XPC: variants seen among roughly 807,000 people sequenced by gnomAD.
XPC encodes the protein DNA repair protein complementing XP-C cells.
Under a neutral mutation model 95.8 loss-of-function variants are expected in XPC, and 76 were observed. The ratio of observed to expected loss-of-function variants is 0.79; its 90% CI spans 0.66 to 0.96. The LOEUF (loss-of-function observed/expected upper bound fraction) is 0.96, where lower values mean the gene tolerates loss of function less well. XPC is among the 40% of genes least tolerant of loss of function. The probability of loss-of-function intolerance (pLI) is 0.00; values close to 1 mark genes in which losing one functional copy is unlikely to be tolerated. For synonymous variants in XPC, 442 were observed against 442.1 expected (o/e 1.00, Z 0.00); for missense variants, 1,146 against 1,179.8 (o/e 0.97, Z 0.42).
In XPC at chr3:14,148,016, C is replaced by T. The variant is rs376501116; in HGVS notation, c.2421-15G>A. The T allele has an allele frequency of 2.6e-6, 4 of 1,559,966 alleles. No individual in the cohort carries two copies. The highest frequency in any genetic ancestry group is 2.7e-5 in the African/African-American group (2 of 74,016). On this transcript the variant is annotated splice_polypyrimidine_tract_variant and intron_variant, in intron 13 of 15. Coordinates refer to ENST00000285021, the MANE Select transcript of XPC (RefSeq NM_004628.5). ...ATCCATCAGTCCTGTGGGGACACAA[C>T]GCGATGTCAACCCTCGAACCTGCTG...
intron 7 of XPC, among the ~76,000 whole-genome samples, chr3:14,162,157 A>C (rs1696191581): frequency 6.6e-6 from 1 of 152,228 alleles, no homozygotes; most frequent in Non-Finnish European, 1.5e-5. Context: ...CAAAAATAAA[A>C]GGAGAGACAT....
chr3:14,148,565 G>A lies in XPC; in HGVS notation c.2417C>T (p.Pro806Leu), dbSNP rs1695543495. The A allele has an allele frequency of 1.9e-6, 3 of 1,613,796 alleles. No homozygotes were observed. The highest frequency in any genetic ancestry group is 2.5e-6 in the Non-Finnish European group (3 of 1,179,814). Residue 806 changes from proline (P) to leucine (L), a missense_variant, in exon 13 of 16, where the codon CCC becomes CTC. Transcript: ENST00000285021. ...CCATCGAAGGCCCCTCACGCACACGGGATGGGAGTAGCCGCCATGGAAATC... is the reference window on the plus strand; with the variant it reads ...CCATCGAAGGCCCCTCACGCACACGAGATGGGAGTAGCCGCCATGGAAATC... The part of the protein sequence containing the change: ...GFDFHGGYSH[P>L]VTDGYIVCEE...
chr3:14,178,072 C>A (rs1696905442), intron 1 of XPC, among the ~76,000 whole-genome samples: 2 of 152,258 alleles, frequency 1.3e-5, no homozygotes, highest in African/African-American at 4.8e-5. Flanking sequence ...CACTGTGGAA[C>A]TCTGGGTGAG....
intron 9 of XPC, among the ~76,000 whole-genome samples, chr3:14,157,006 C>A (rs1695941944): frequency 6.6e-6 from 1 of 152,200 alleles, no homozygotes; most frequent in South Asian, 2.1e-4. Context: ...TGCTGTAAGT[C>A]ACCCTGTTCA....
rs3731130 is a variant in XPC, at chr3:14,158,344, C to G, written c.1539G>C (p.Met513Ile). The G allele has an allele frequency of 3.6e-4, 586 of 1,613,980 alleles. 8 individuals carry two copies. The East Asian group carries it at 9.4e-3, about 26-fold the overall frequency. Residue 513 changes from methionine to isoleucine, a missense_variant, in exon 9 of 16, where the codon ATG becomes ATC. Coordinates refer to ENST00000285021, the MANE Select transcript of XPC (RefSeq NM_004628.5). The surrounding 1 kb of genome is among the most constrained non-coding windows in gnomAD (Gnocchi z 5.2). ...SSSSSKRGKK[M>I]CSDGEKAEKR... ...TTTCTGCCTTCTCACCATCGCTGCA[C>G]ATTTTCTTGCCTCTTTTACTGCTTG...
chr3:14,162,727 G>A (rs975740354), intron 7 of XPC, among the ~76,000 whole-genome samples: 3 of 152,120 alleles, frequency 2.0e-5, no homozygotes, highest in South Asian at 2.1e-4. Context: ...TCTTAGATAC[G>A]ACACCAAAAG....
At position 14,158,537 on chromosome 3, in the gene XPC, C is replaced by T. The variant is rs1299256669; in HGVS notation, c.1346G>A (p.Ser449Asn). 6.2e-7 allele frequency: 1 copy of T among 1,613,500 alleles called. No homozygotes were observed. Among genetic ancestry groups the T allele is most frequent in the Admixed American group, 1.7e-5 (1 of 60,006 alleles). Reference protein sequence around the residue: ...AGSGSDFELSSGEASDPSDED... With the variant: ...AGSGSDFELSNGEASDPSDED... Reference sequence around the variant, plus strand: ...ATCAGAGGGATCAGAGGCTTCTCCACTGGAGAGCTCAAAATCAGAGCCGCT... The same window carrying T: ...ATCAGAGGGATCAGAGGCTTCTCCATTGGAGAGCTCAAAATCAGAGCCGCT... The change falls in exon 9 of 16, where the codon AGT (serine) becomes AAT (asparagine). Residue 449 changes from serine (S) to asparagine (N), a missense_variant. Ser to Asn is a conservative substitution (Grantham distance 46). Coordinates refer to ENST00000285021, the MANE Select transcript of XPC (RefSeq NM_004628.5). This position sits in a 1 kb window ranked among gnomAD's most constrained non-coding sequence, Gnocchi z 5.2.
chr3:14,146,032 T>C lies in XPC; in HGVS notation c.2732A>G (p.Glu911Gly). 6.2e-7 allele frequency: 1 copy of C among 1,612,686 alleles called. No homozygotes were observed. Among genetic ancestry groups the C allele is most frequent in the Non-Finnish European group, 8.5e-7 (1 of 1,179,360 alleles). Residue 911 changes from glutamate to glycine, a missense_variant, in exon 16 of 16, where the codon GAA becomes GGA. Coordinates refer to ENST00000285021, the MANE Select transcript of XPC (RefSeq NM_004628.5). ...CCCACCCTTCAGCTTCTGCTTTTCT[T>C]CATCTTCTCGGTTTTGAGGCCAGGA... ...AASWPQNRED[E>G]EKQKLKGGPK...
chr3:14,148,671 A>G lies in XPC; in HGVS notation c.2311T>C (p.Cys771Arg), dbSNP rs2125009714. 6.2e-6 allele frequency: 10 copies of G among 1,614,018 alleles called. No homozygotes were observed. Among genetic ancestry groups the G allele is most frequent in the Non-Finnish European group, 8.5e-6 (10 of 1,179,894 alleles). Residue 771 changes from cysteine to arginine, a missense_variant, in exon 13 of 16, where the codon TGT (cysteine) becomes CGT (arginine). Transcript: ENST00000285021. ...LFLPSMMPIG[C>R]VQLNLPNLHR... is the part of the protein sequence containing the mutation. ...AGATTGGGCAGGTTCAGCTGGACAC[A>G]GCCAATAGGCATCATGCTGGGCAGG... is the stretch of plus-strand genomic sequence containing the variant.
intron 7 of XPC, among the ~76,000 whole-genome samples, chr3:14,163,614 A>C (rs1171175766): frequency 6.6e-6 from 1 of 152,176 alleles, no homozygotes; most frequent in Non-Finnish European, 1.5e-5. Context: ...AACAATGAGG[A>C]GTTTAATGCG....
At chr3:14,152,730 A>G in intron 10 of XPC, 1 of 292,772 alleles carries the variant, frequency 3.4e-6, no homozygotes, top group Non-Finnish European at 6.4e-6. Context: ...GCTGCAGACT[A>G]TCAGGATGGG....
rs939735115 is a variant in XPC, at chr3:14,178,287, A to T, written c.103+179T>A. 10 of 678,144 alleles carry T rather than the reference A, an allele frequency of 1.5e-5. No homozygotes were observed. In the African/African-American group the frequency reaches 1.9e-4, roughly 13 times the overall value. The allele number at this position is 678,144 out of a possible 1,614,324, so 42.0% of individuals were successfully genotyped here. On this transcript the variant is annotated intron_variant, in intron 1 of 15. Transcript: ENST00000285021. ...TCGCGGGAAACCGCTCTGGGTGCGC[A>T]GGACAAAGACGCGGGGACAGCGGGG...
chr3:14,174,116 G>A (rs1409679459), intron 1 of XPC, among the ~76,000 whole-genome samples: 2 of 151,970 alleles, frequency 1.3e-5, no homozygotes, highest in Non-Finnish European at 2.9e-5. Context: ...TCATAACAAA[G>A]GAGCATTTAT....
At chr3:14,146,202 T>C (rs755604477) in intron 15 of XPC, 43 bp from the exon 16 acceptor site, 1 of 1,537,744 alleles carries the variant, frequency 6.5e-7, no homozygotes. Flanking sequence ...CGAGGGTTAG[T>C]AATCAGATAC....
rs72561773 is a variant in XPC, at chr3:14,178,459, C to T, written c.103+7G>A. On this transcript the variant is annotated splice_region_variant and intron_variant, in intron 1 of 15. Transcript: ENST00000285021. Reference sequence around the variant, plus strand: ...CTCCCGCGAAGCCCGCTGGGCCTCGCTCTCACCCTCCTCCTCCTCCTCACG... The same window carrying T: ...CTCCCGCGAAGCCCGCTGGGCCTCGTTCTCACCCTCCTCCTCCTCCTCACG... The T allele has an allele frequency of 6.2e-7, 1 of 1,605,498 alleles. No individual in the cohort carries two copies. The highest frequency in any genetic ancestry group is 8.5e-7 in the Non-Finnish European group (1 of 1,176,124).
intron 2 of XPC, among the ~76,000 whole-genome samples, chr3:14,172,077 G>A (rs1284564682): frequency 1.3e-5 from 2 of 152,040 alleles, no homozygotes; most frequent in Non-Finnish European, 2.9e-5. Context: ...ACTTTCTTAG[G>A]AGGCAGAAAA....
chr3:14,147,963 ACGTCTTTG>A lies in XPC; in HGVS notation c.2451_2458del (p.Lys818AlafsTer8). The A allele has an allele frequency of 6.2e-7, 1 of 1,601,304 alleles. No homozygotes were observed. The highest frequency in any genetic ancestry group is 1.7e-4 in the Middle Eastern group (1 of 6,014). ...CTCATTTTCCCAGGCAGTCAGGAGCACGTCTTTGAATTCCTCGCAGACGATGTATCCAT... is the reference window on the plus strand; with the variant it reads ...CTCATTTTCCCAGGCAGTCAGGAGCAAATTCCTCGCAGACGATGTATCCAT... On this transcript the variant is annotated frameshift_variant, in exon 14 of 16. Coordinates refer to ENST00000285021, the MANE Select transcript of XPC (RefSeq NM_004628.5). LOFTEE classifies it high-confidence loss of function.
intron 1 of XPC, among the ~76,000 whole-genome samples, chr3:14,175,418 T>C (rs1177420425): frequency 6.6e-6 from 1 of 152,158 alleles, no homozygotes; most frequent in Non-Finnish European, 1.5e-5. Flanking sequence ...TAGCACAGGG[T>C]GATAGCTCTT....
rs1695998695 is a variant in XPC, at chr3:14,158,174, A to C, written c.1709T>G (p.Val570Gly). The C allele has an allele frequency of 1.2e-6, 2 of 1,613,898 alleles. No individual in the cohort carries two copies. The highest frequency in any genetic ancestry group is 1.7e-6 in the Non-Finnish European group (2 of 1,179,890). The change falls in exon 9 of 16, where the codon GTG becomes GGG. Residue 570 changes from valine (V) to glycine (G), a missense_variant. Coordinates refer to ENST00000285021, the MANE Select transcript of XPC (RefSeq NM_004628.5). The surrounding 1 kb of genome is among the most constrained non-coding windows in gnomAD (Gnocchi z 5.2). ...KYATKPMTYVVGIDSDGWVRD... is the reference protein window; with the variant it reads ...KYATKPMTYVGGIDSDGWVRD... Reference sequence around the variant, plus strand: ...GACCCAGCCGTCACTGTCAATGCCCACCACATAGGTCATGGGCTTGGTGGC... The same window carrying C: ...GACCCAGCCGTCACTGTCAATGCCCCCCACATAGGTCATGGGCTTGGTGGC...
Sources: allele counts gnomAD v4.1 joint callset (sites outside exome capture counted in the v4.1 genomes callset), GRCh38; gene constraint gnomAD v4.1.1; non-coding constraint Gnocchi (gnomAD v3.1); transcripts MANE v1.5; gene names NCBI Gene and HGNC (gene_info 2026-07-23, HGNC 2026-07-21).